HIVEP2: variants seen among roughly 807,000 people sequenced by gnomAD.
HIVEP2 encodes transcription factor HIVEP2.
HIVEP2 carries 14 observed loss-of-function variants against 180.7 expected under a neutral mutation model. The observed-to-expected ratio is 0.08, with a 90% CI of 0.05 to 0.12. The LOEUF is 0.12. HIVEP2 is among the 10% of genes least tolerant of loss of function. HIVEP2 has a pLI of 1.00. For missense variants in HIVEP2, 2,579 were observed against 3,008.5 expected (o/e 0.86, Z 3.34); for synonymous variants, 1,184 against 1,136.4 (o/e 1.04, Z -0.84).
chr6:142,874,867 CT>C (rs1313740577), intron 1 of HIVEP2, among the ~76,000 whole-genome samples: 1 of 152,046 alleles, frequency 6.6e-6, no homozygotes, highest in Non-Finnish European at 1.5e-5. Context: ...GTCCTGACAC[CT>C]TTGGTTTACA....
rs150728058 is a variant in HIVEP2, at chr6:142,867,496, T to C, written c.-640-30449A>G. On this transcript the variant is annotated intron_variant, in intron 1 of 9. Coordinates refer to ENST00000367603, the MANE Select transcript of HIVEP2 (RefSeq NM_006734.4). Reference sequence around the variant, plus strand: ...AGATTGATTGCAACAGATATGCTTTTGGTACACAGAATCTGAACACATTAT... The same window carrying C: ...AGATTGATTGCAACAGATATGCTTTCGGTACACAGAATCTGAACACATTAT... Among the ~76,000 whole-genome samples the C allele has an allele frequency of 2.9e-3, 449 of 152,288 alleles. 3 individuals carry two copies. Among genetic ancestry groups the C allele is most frequent in the African/African-American group, 8.8e-3 (367 of 41,572 alleles).
intron 1 of HIVEP2, among the ~76,000 whole-genome samples, chr6:142,869,384 T>C (rs937212711): frequency 6.6e-6 from 1 of 152,198 alleles, no homozygotes; most frequent in African/African-American, 2.4e-5. Flanking sequence ...TTGATAAATA[T>C]ATATAGTATC....
rs760840468 is a variant in HIVEP2, at chr6:142,772,986, G to A, written c.1753C>T (p.Pro585Ser). The change falls in exon 5 of 10, where the codon CCC becomes TCC. Residue 585 changes from proline to serine, a missense_variant. Pro to Ser is a moderately conservative substitution (Grantham distance 74). Coordinates refer to ENST00000367603, the MANE Select transcript of HIVEP2 (RefSeq NM_006734.4). The surrounding 1 kb of genome is among the most constrained non-coding windows in gnomAD (Gnocchi z 4.9). ...TGTCTTCTTAGCATGCGCTGAGGGG[G>A]TATGCCCACGGTCCCTGGATAGAAT... ...DVFYPGTVGIPPQRMLRRQAA... is the reference protein window; with the variant it reads ...DVFYPGTVGISPQRMLRRQAA... 2 of 1,614,072 alleles carry A rather than the reference G, an allele frequency of 1.2e-6. No homozygotes were observed. Among genetic ancestry groups the A allele is most frequent in the South Asian group, 2.2e-5 (2 of 91,092 alleles).
chr6:142,832,990 A>C (rs1250268627), intron 2 of HIVEP2, among the ~76,000 whole-genome samples: 4 of 152,130 alleles, frequency 2.6e-5, no homozygotes, highest in Non-Finnish European at 4.4e-5. Context: ...CTATTTCTTT[A>C]TGTCAGTCAT....
rs550646515 is a variant in HIVEP2, at chr6:142,886,268, A to T, written c.-640-49221T>A. On this transcript the variant is annotated intron_variant, in intron 1 of 9. Transcript: ENST00000367603. ...ATGTGCAAGTATTTTAATTGAGCAA[A>T]TGACAAGTAAGATGTTAACTAAGAC... 7.2e-5 allele frequency among the ~76,000 whole-genome samples: 11 copies of T among 152,362 alleles called. No homozygotes were observed. In the East Asian group the frequency reaches 9.6e-4, roughly 13 times the overall value.
At chr6:142,886,769 T>C (rs1286381376) in intron 1 of HIVEP2, among the ~76,000 whole-genome samples, 2 of 152,198 alleles carry the variant, frequency 1.3e-5, no homozygotes, top group Non-Finnish European at 2.9e-5. Context: ...AAAAAACCTG[T>C]TAACAACACT....
chr6:142,896,941 A>C (rs1777012372), intron 1 of HIVEP2, among the ~76,000 whole-genome samples: 1 of 152,190 alleles, frequency 6.6e-6, no homozygotes. Context: ...CACACAGCCA[A>C]GCTTTCTTGA....
At position 142,754,038 on chromosome 6, in the gene HIVEP2, G is replaced by C. The variant is rs1323997395; in HGVS notation, c.6517-107C>G. ...CACCCATTCACACATTCACTACCTA[G>C]AGAGGCTTCAATACCTAATTCTTTG... On this transcript the variant is annotated intron_variant, in intron 9 of 9. Coordinates refer to ENST00000367603, the MANE Select transcript of HIVEP2 (RefSeq NM_006734.4). 5 of 608,778 alleles carry C rather than the reference G, an allele frequency of 8.2e-6. No homozygotes were observed. In the African/African-American group the frequency reaches 9.2e-5, roughly 11 times the overall value. 37.7% of individuals were successfully genotyped at this position (608,778 alleles called of 1,614,324 possible). A position where few individuals can be genotyped will look rare whatever the true frequency, so the allele number is the denominator to read the frequency against.
intron 1 of HIVEP2, among the ~76,000 whole-genome samples, chr6:142,858,639 T>C (rs1554218381): frequency 6.6e-6 from 1 of 152,148 alleles, no homozygotes; most frequent in Non-Finnish European, 1.5e-5. Flanking sequence ...TTGCCCAGGC[T>C]GGAGTGCAAT....
chr6:142,774,616 A>C lies in HIVEP2; in HGVS notation c.123T>G (p.Ser41Arg). 1.2e-5 allele frequency: 19 copies of C among 1,614,182 alleles called. No individual in the cohort carries two copies. Among genetic ancestry groups the C allele is most frequent in the Non-Finnish European group, 1.6e-5 (19 of 1,180,042 alleles). The change falls in exon 5 of 10, where the codon AGT (serine) becomes AGG (arginine). Residue 41 changes from serine to arginine, a missense_variant. By Grantham distance (110) the Ser-to-Arg change is moderately radical (BLOSUM62 -1). Transcript: ENST00000367603. This position sits in a 1 kb window ranked among gnomAD's most constrained non-coding sequence, Gnocchi z 5.1. ...TTTGTGGTTGCCGCTGTCCTTCATG[A>C]CTGCCAAAAGTGCTCATCTTAATAA... ...SAVIKMSTFG[S>R]HEGQRQPQIE... is the part of the protein sequence containing the mutation.
intron 1 of HIVEP2, among the ~76,000 whole-genome samples, chr6:142,923,104 G>C (rs1273762574): frequency 6.6e-6 from 1 of 152,180 alleles, no homozygotes; most frequent in Non-Finnish European, 1.5e-5. Context: ...GGAGGCCAAG[G>C]CGGGTGGATC....
At chr6:142,778,939 T>C (rs1451295109) in intron 3 of HIVEP2, among the ~76,000 whole-genome samples, 1 of 152,152 alleles carries the variant, frequency 6.6e-6, no homozygotes, top group African/African-American at 2.4e-5. Flanking sequence ...ATGTTTGTAG[T>C]ACAAAAAATG....
At chr6:142,791,182 T>C (rs562945846) in intron 2 of HIVEP2, among the ~76,000 whole-genome samples, 46 of 152,262 alleles carry the variant, frequency 3.0e-4, no homozygotes, top group Non-Finnish European at 5.3e-4. Flanking sequence ...CCAGGTTCTA[T>C]AAGGTACATA....
rs2114652469 is a variant in HIVEP2 at position 142,771,552 on chromosome 6, C to T, written c.3187G>A (p.Gly1063Arg). ...YGNLSHAPVS[G>R]AAASTVSPSR... is the part of the protein sequence containing the mutation. ...GGTGATACCGTGGAGGCTGCTGCTC[C>T]CGACACAGGAGCATGGGACAGATTC... Residue 1063 changes from glycine (G) to arginine (R), a missense_variant, in exon 5 of 10, where the codon GGA (glycine) becomes AGA (arginine). By Grantham distance (125) the Gly-to-Arg change is moderately radical (BLOSUM62 -2). Around this residue, in one of 11 missense-constraint regions of HIVEP2, gnomAD observed 523 missense variants for 577.0 expected, o/e 0.91. Transcript: ENST00000367603. The surrounding 1 kb of genome is among the most constrained non-coding windows in gnomAD (Gnocchi z 5.4). 2 of 1,613,964 alleles carry T rather than the reference C, an allele frequency of 1.2e-6. No individual in the cohort carries two copies. Among genetic ancestry groups the T allele is most frequent in the South Asian group, 1.1e-5 (1 of 91,090 alleles).
intron 1 of HIVEP2, among the ~76,000 whole-genome samples, chr6:142,941,571 C>T (rs1778182096): frequency 6.6e-6 from 1 of 152,168 alleles, no homozygotes. Flanking sequence ...TTTCACAGTA[C>T]AGCCCTCACT....
intron 2 of HIVEP2, among the ~76,000 whole-genome samples, chr6:142,834,833 C>T (rs116115432): frequency 0.011 from 1,629 of 151,746 alleles, 18 homozygotes; most frequent in Middle Eastern, 0.037. Context: ...AAAAAAGTTA[C>T]ATTGAAAAAA....
chr6:142,787,196 C>T (rs1425268816), intron 2 of HIVEP2, among the ~76,000 whole-genome samples: 1 of 152,018 alleles, frequency 6.6e-6, no homozygotes, highest in Non-Finnish European at 1.5e-5. Flanking sequence ...TTTGGCGCTG[C>T]AGTGAGCTAT....
chr6:142,935,531 A>G (rs1778032503), intron 1 of HIVEP2, among the ~76,000 whole-genome samples: 2 of 152,256 alleles, frequency 1.3e-5, no homozygotes, highest in Non-Finnish European at 1.5e-5. Context: ...AGTGGGGGCA[A>G]CAGAGTGAGA....
At chr6:142,905,198 T>A (rs1777233424) in intron 1 of HIVEP2, among the ~76,000 whole-genome samples, 1 of 152,198 alleles carries the variant, frequency 6.6e-6, no homozygotes, top group Non-Finnish European at 1.5e-5. Flanking sequence ...AAGATACTGC[T>A]CAACCATCTA....
Sources: allele counts gnomAD v4.1 joint callset (sites outside exome capture counted in the v4.1 genomes callset), GRCh38; gene constraint gnomAD v4.1.1; regional missense constraint gnomAD v4.1.1; non-coding constraint Gnocchi (gnomAD v3.1); transcripts MANE v1.5; gene names NCBI Gene and HGNC (gene_info 2026-07-23, HGNC 2026-07-21).